The following OR4A15 variants were observed in gnomAD, a reference collection of about 807,000 sequenced individuals.
OR4A15 encodes the protein olfactory receptor family 4 subfamily A member 15.
For missense variants in OR4A15, 657 were observed against 374.7 expected (o/e 1.75, Z -6.22); for synonymous variants, 240 against 135.6 (o/e 1.77, Z -5.35).
At chr11:55,368,102 C>A in exon 1 of OR4A15, 2 of 1,613,042 alleles carry the variant, frequency 1.2e-6, no homozygotes, top group Non-Finnish European at 1.7e-6. Context: ...ACCTGCTTAT[C>A]ATAGTGACCA....
At chr11:55,368,148 T>C (rs749271641) in exon 1 of OR4A15, 4 of 1,612,858 alleles carry the variant, frequency 2.5e-6, no homozygotes, top group Non-Finnish European at 3.4e-6. Flanking sequence ...CCCCATGTAC[T>C]TTTTTCTGGC....
exon 1 of OR4A15, chr11:55,368,052 G>T (rs1280374222): frequency 1.9e-6 from 3 of 1,613,414 alleles, no homozygotes; most frequent in African/African-American, 2.7e-5. Flanking sequence ...GGTTTTATTT[G>T]TCACATTCTT....
At chr11:55,368,788 T>A in exon 1 of OR4A15, 4 of 1,613,654 alleles carry the variant, frequency 2.5e-6, no homozygotes, top group Non-Finnish European at 3.4e-6. Flanking sequence ...ATGACTGTAG[T>A]TCTAACTTTT....
At chr11:55,368,036 G>C in exon 1 of OR4A15, 2 of 1,613,526 alleles carry the variant, frequency 1.2e-6, no homozygotes, top group Non-Finnish European at 1.7e-6. Context: ...ACCCTGAGGG[G>C]CAAAAGGTTT....
exon 1 of OR4A15, chr11:55,368,631 T>G: frequency 6.2e-7 from 1 of 1,613,788 alleles, no homozygotes; most frequent in Non-Finnish European, 8.5e-7. Flanking sequence ...TGGGGTCATA[T>G]TACACTCTCT....
exon 1 of OR4A15, chr11:55,368,101 T>A (rs1288791051): frequency 6.2e-7 from 1 of 1,613,094 alleles, no homozygotes; most frequent in South Asian, 1.1e-5. Context: ...AACCTGCTTA[T>A]CATAGTGACC....
At chr11:55,368,529 G>A in exon 1 of OR4A15, 1 of 1,613,338 alleles carries the variant, frequency 6.2e-7, no homozygotes, top group Non-Finnish European at 8.5e-7. Context: ...ATTGAAACTT[G>A]CTTGCACCAA....
chr11:55,368,073 A>T, exon 1 of OR4A15: 1 of 1,613,372 alleles, frequency 6.2e-7, no homozygotes, highest in East Asian at 2.2e-5. Context: ...ACTAATCTAC[A>T]TGGTGACGAT....
chr11:55,368,260 T>C, exon 1 of OR4A15: 1 of 1,613,910 alleles, frequency 6.2e-7, no homozygotes, highest in Middle Eastern at 1.7e-4. Context: ...CAGGGTTGTA[T>C]GGCTCAACTT....
exon 1 of OR4A15, chr11:55,368,532 T>G: frequency 6.2e-7 from 1 of 1,613,392 alleles, no homozygotes; most frequent in African/African-American, 1.3e-5. Context: ...GAAACTTGCT[T>G]GCACCAATAC....
exon 1 of OR4A15, chr11:55,368,798 T>G (rs772308922): frequency 6.2e-7 from 1 of 1,613,566 alleles, no homozygotes; most frequent in East Asian, 2.2e-5. Context: ...TTCTAACTTT[T>G]ATAACTCCCA....
chr11:55,368,280 C>G, exon 1 of OR4A15: 1 of 1,613,846 alleles, frequency 6.2e-7, no homozygotes, highest in South Asian at 1.1e-5. Context: ...TTTTATGGAT[C>G]ATTTATTTGC....
In OR4A15 at chr11:55,368,621, T is replaced by C. The variant is rs202113878; in HGVS notation, c.648T>C (p.Tyr216=). ...CCTTCTTCACTATCCTGCTTTCCTA[T>C]GGGGTCATATTACACTCTCTTAAGA... is the stretch of plus-strand genomic sequence containing the variant. The change falls in exon 1 of 1, where the codon TAT becomes TAC. Residue 216 remains tyrosine (Y), a synonymous_variant. Coordinates refer to ENST00000641526, the Ensembl canonical transcript of OR4A15. 14 of 1,613,752 alleles carry C rather than the reference T, an allele frequency of 8.7e-6. 1 individual carries two copies. The highest frequency in any genetic ancestry group is 4.5e-5 in the East Asian group (2 of 44,758).
chr11:55,368,562 A>C (rs138596789), exon 1 of OR4A15: 1 of 1,613,492 alleles, frequency 6.2e-7, no homozygotes, highest in Non-Finnish European at 8.5e-7. Flanking sequence ...TGGGCTTTCT[A>C]TGATAGCTAA....
chr11:55,368,631 T>C, exon 1 of OR4A15: 1 of 1,613,788 alleles, frequency 6.2e-7, no homozygotes. Flanking sequence ...TGGGGTCATA[T>C]TACACTCTCT....
chr11:55,368,755 C>A (rs765150440), exon 1 of OR4A15: 2 of 1,613,746 alleles, frequency 1.2e-6, no homozygotes, highest in Admixed American at 3.3e-5. Flanking sequence ...AGGCCCAATT[C>A]TACTTTTCCC....
At chr11:55,368,846 A>C (rs1853896452) in exon 1 of OR4A15, 3 of 1,613,124 alleles carry the variant, frequency 1.9e-6, no homozygotes, top group Non-Finnish European at 2.5e-6. Flanking sequence ...AGAATGCAGA[A>C]ATGAAAAGTG....
Position 55,367,990 on chromosome 11 carries a change from A to AT in OR4A15, c.18dup (p.Val7CysfsTer3), listed in dbSNP as rs1853871923. 1 of 1,613,316 alleles carries AT rather than the reference A, an allele frequency of 6.2e-7. No homozygotes were observed. ...GAAGAACACATGAAAAATAAGAACA[A>AT]TGTGACTGAATTTATCCTCTTAGGG... On this transcript the variant is annotated frameshift_variant, in exon 1 of 1. Transcript: ENST00000641526. LOFTEE classifies it low-confidence loss of function (END_TRUNC).
exon 1 of OR4A15, chr11:55,368,603 C>A (rs1651181001): frequency 6.2e-7 from 1 of 1,613,578 alleles, no homozygotes; most frequent in Non-Finnish European, 8.5e-7. Context: ...TCACCTTCTT[C>A]ACTATCCTGC....
Sources: gnomAD v4.1 joint callset for allele counts on GRCh38, gnomAD v4.1.1 for gene constraint, MANE v1.5 for transcripts, NCBI Gene and HGNC (gene_info 2026-07-23, HGNC 2026-07-21) for gene names.